The following MAGI2 variants were observed in gnomAD, a reference collection of about 807,000 sequenced individuals.
MAGI2 encodes the protein membrane associated guanylate kinase, WW and PDZ domain containing 2, also known as membrane-associated guanylate kinase, WW and PDZ domain-containing protein 2.
Under a neutral mutation model 133.3 loss-of-function variants are expected in MAGI2, and 35 were observed. That is an observed-to-expected ratio of 0.26 (90% CI 0.20 to 0.35). The LOEUF (loss-of-function observed/expected upper bound fraction) is 0.35. MAGI2 is among the 10% of genes least tolerant of loss of function. The pLI is 1.00. For missense variants in MAGI2, 1,636 were observed against 1,863.4 expected (o/e 0.88, Z 2.25); for synonymous variants, 729 against 710.6 (o/e 1.03, Z -0.41).
intron 4 of MAGI2, 62 bp downstream of exon 4, chr7:78,521,368 C>CAT (rs1249107184): frequency 7.6e-6 from 9 of 1,188,100 alleles, no homozygotes; most frequent in Non-Finnish European, 1.0e-5. Context: ...TATATGTGTA[C>CAT]ATATATATCT....
rs1346851828 is a variant in MAGI2 at position 79,232,235 on chromosome 7, G to T, written c.301+220785C>A. On this transcript the variant is annotated intron_variant, in intron 1 of 21. Coordinates refer to ENST00000354212, the MANE Select transcript of MAGI2 (RefSeq NM_012301.4). The stretch of plus-strand genomic sequence containing the variant: ...GATTTTTGCATCAATGTTCATCAAG[G>T]ATATTGGTCTAAAATTCTCTTTTTT... Among the ~76,000 whole-genome samples the T allele has an allele frequency of 3.3e-5, 5 of 151,762 alleles. No individual in the cohort carries two copies. The East Asian group carries it at 9.7e-4, about 29-fold the overall frequency.
At position 78,400,138 on chromosome 7, in the gene MAGI2, G is replaced by A. The variant is rs148101965; in HGVS notation, c.1046-30925C>T. ...AAAACCTAACCTGTAAATATAAAAT[G>A]TATGGACCAATACCATCGAGCTTGT... is the stretch of plus-strand genomic sequence containing the variant. On this transcript the variant is annotated intron_variant, in intron 6 of 21. Coordinates refer to ENST00000354212, the MANE Select transcript of MAGI2 (RefSeq NM_012301.4). Among the ~76,000 whole-genome samples the A allele has an allele frequency of 3.2e-3, 483 of 152,208 alleles. 1 individual carries two copies. The highest frequency in any genetic ancestry group is 6.8e-3 in the Middle Eastern group (2 of 294).
At chr7:79,242,208 G>A (rs1397925021) in intron 1 of MAGI2, among the ~76,000 whole-genome samples, 2 of 152,052 alleles carry the variant, frequency 1.3e-5, no homozygotes, top group East Asian at 1.9e-4. Flanking sequence ...AGCATGTGAG[G>A]TGATTCATAT....
At chr7:79,291,632 T>C (rs1408902546) in intron 1 of MAGI2, among the ~76,000 whole-genome samples, 4 of 152,166 alleles carry the variant, frequency 2.6e-5, no homozygotes, top group Non-Finnish European at 5.9e-5. Flanking sequence ...TGATATCACA[T>C]TGTGTTTTAA....
intron 2 of MAGI2, among the ~76,000 whole-genome samples, chr7:78,833,094 A>T (rs967454210): frequency 1.3e-5 from 2 of 152,016 alleles, no homozygotes; most frequent in Admixed American, 1.3e-4. Flanking sequence ...GTTTCTATGG[A>T]TTGTTTGTAA....
At chr7:79,142,864 C>T (rs1822268676) in intron 1 of MAGI2, among the ~76,000 whole-genome samples, 1 of 152,132 alleles carries the variant, frequency 6.6e-6, no homozygotes, top group Admixed American at 6.6e-5. Flanking sequence ...GGAAAGTTTC[C>T]ATGCGATAAA....
At chr7:78,671,140 GCTTT>G (rs1814334399) in intron 2 of MAGI2, among the ~76,000 whole-genome samples, 1 of 152,088 alleles carries the variant, frequency 6.6e-6, no homozygotes, top group East Asian at 1.9e-4. Context: ...TACTTAATTT[GCTTT>G]CTGTTATTAT....
intron 1 of MAGI2, among the ~76,000 whole-genome samples, chr7:79,167,115 TTACTA>T (rs1825006223): frequency 6.6e-6 from 1 of 152,102 alleles, no homozygotes; most frequent in Admixed American, 6.6e-5. Flanking sequence ...ATTTAATACC[TTACTA>T]TACATGCAGA....
intron 2 of MAGI2, among the ~76,000 whole-genome samples, chr7:78,689,252 T>C (rs1055830521): frequency 6.6e-6 from 1 of 152,178 alleles, no homozygotes; most frequent in Non-Finnish European, 1.5e-5. Flanking sequence ...CTCTAGTTCA[T>C]AGATTATAAC....
At chr7:78,361,291 G>T (rs1361188738) in intron 7 of MAGI2, among the ~76,000 whole-genome samples, 1 of 151,946 alleles carries the variant, frequency 6.6e-6, no homozygotes, top group East Asian at 1.9e-4. Context: ...CTACTTGGGG[G>T]GCTGAGGCAG....
At chr7:79,415,590 C>G (rs1846444238) in intron 1 of MAGI2, 1 of 152,064 alleles carries the variant, frequency 6.6e-6, no homozygotes, top group Non-Finnish European at 1.5e-5. Context: ...AGGCAAAGAC[C>G]TACAGTTGGA....
chr7:79,083,155 C>T (rs777248856), intron 1 of MAGI2, among the ~76,000 whole-genome samples: 1 of 151,420 alleles, frequency 6.6e-6, no homozygotes, highest in African/African-American at 2.4e-5. Context: ...TTCTTTCCAA[C>T]CTAGATGCTA....
chr7:78,468,413 A>G (rs1790858809), intron 6 of MAGI2, among the ~76,000 whole-genome samples: 1 of 152,076 alleles, frequency 6.6e-6, no homozygotes, highest in African/African-American at 2.4e-5. Flanking sequence ...AAGGCATTCA[A>G]ATTATTCTAT....
chr7:79,134,760 G>A (rs1180673619), intron 1 of MAGI2, among the ~76,000 whole-genome samples: 1 of 152,192 alleles, frequency 6.6e-6, no homozygotes, highest in Non-Finnish European at 1.5e-5. Context: ...AATACCTGAA[G>A]TTGAGTATAA....
intron 6 of MAGI2, chr7:78,487,304 A>G (rs1793137046): frequency 1.0e-5 from 2 of 192,620 alleles, no homozygotes; most frequent in South Asian, 2.4e-4. Context: ...GTGGAACAAC[A>G]TGTGGTCCTG....
At chr7:79,061,178 A>G (rs968300769) in intron 1 of MAGI2, among the ~76,000 whole-genome samples, 8 of 152,008 alleles carry the variant, frequency 5.3e-5, no homozygotes, top group African/African-American at 1.9e-4. Flanking sequence ...GCCATTATAA[A>G]TTTTCAGGAA....
chr7:78,306,028 T>C (rs1051487771), intron 9 of MAGI2, among the ~76,000 whole-genome samples: 24 of 152,148 alleles, frequency 1.6e-4, no homozygotes, highest in African/African-American at 3.1e-4. Flanking sequence ...TTTGGACAAA[T>C]TGAATCAGAA....
intron 1 of MAGI2, among the ~76,000 whole-genome samples, chr7:79,430,855 T>C (rs1447092637): frequency 1.3e-5 from 2 of 152,210 alleles, no homozygotes; most frequent in Non-Finnish European, 2.9e-5. Flanking sequence ...AGTGTTAAAC[T>C]GTGGCTTGAA....
intron 21 of MAGI2, among the ~76,000 whole-genome samples, chr7:78,076,851 T>TCA (rs1405420324): frequency 2.7e-4 from 6 of 22,414 alleles, no homozygotes; most frequent in South Asian, 2.0e-3. Flanking sequence ...AGACTCCGTC[T>TCA]CAAAAAAAAA....
Sources: gnomAD v4.1 joint callset for allele counts (sites outside exome capture counted in the v4.1 genomes callset) on GRCh38, gnomAD v4.1.1 for gene constraint, MANE v1.5 for transcripts, NCBI Gene and HGNC (gene_info 2026-07-23, HGNC 2026-07-21) for gene names.